HIP1: variants seen among roughly 807,000 people sequenced by gnomAD.
The protein encoded by HIP1 is huntingtin interacting protein 1, also known as huntingtin-interacting protein 1.
In HIP1, 65 loss-of-function variants were observed where a neutral mutation model predicts 147.6. The observed-to-expected ratio is 0.44, with a 90% CI of 0.36 to 0.54. The LOEUF (loss-of-function observed/expected upper bound fraction) is 0.54, where lower values mean the gene tolerates loss of function less well. HIP1 is among the 20% of genes least tolerant of loss of function. The pLI, the probability that HIP1 is intolerant of heterozygous loss-of-function variation, is 0.00. For synonymous variants in HIP1, 479 were observed against 504.0 expected, an observed-to-expected ratio of 0.95 and a Z score of 0.67; for missense variants, 1,061 against 1,299.6, an observed-to-expected ratio of 0.82 and a Z score of 2.82.
intron 1 of HIP1, among the ~76,000 whole-genome samples, chr7:75,637,809 C>G (rs1362385110): frequency 3.3e-5 from 5 of 151,938 alleles, no homozygotes; most frequent in African/African-American, 9.7e-5. Flanking sequence ...CAGCCCCCAT[C>G]CCATTGTCTC....
chr7:75,555,690 AGGC>A, intron 18 of HIP1, 139 bp from the exon 19 acceptor site: 5 of 935,876 alleles, frequency 5.3e-6, no homozygotes, highest in South Asian at 4.9e-5. Flanking sequence ...AGACAGAGAA[AGGC>A]GCTTTAACTG....
chr7:75,649,248 T>C (rs1008773530), intron 1 of HIP1, among the ~76,000 whole-genome samples: 5 of 152,182 alleles, frequency 3.3e-5, no homozygotes, highest in African/African-American at 1.2e-4. Flanking sequence ...AGTCTCAAAC[T>C]CCCGACCTCA....
At chr7:75,571,004 T>C (rs2116878759) in intron 8 of HIP1, among the ~76,000 whole-genome samples, 1 of 152,136 alleles carries the variant, frequency 6.6e-6, no homozygotes, top group East Asian at 1.9e-4. Context: ...AGCGAGACCC[T>C]GTTTCAGAAA....
intron 5 of HIP1, among the ~76,000 whole-genome samples, chr7:75,586,203 GT>G (rs1414071139): frequency 1.9e-4 from 27 of 143,438 alleles, no homozygotes; most frequent in South Asian, 4.5e-4. Flanking sequence ...TCTTTTTTTT[GT>G]TTTTTTTTTT....
chr7:75,599,638 A>G (rs1011788898), intron 1 of HIP1, among the ~76,000 whole-genome samples: 12 of 152,282 alleles, frequency 7.9e-5, no homozygotes, highest in Non-Finnish European at 1.6e-4. Context: ...CCGTGGCCCA[A>G]GAGCATCCAG....
intron 29 of HIP1, among the ~76,000 whole-genome samples, chr7:75,541,312 C>T (rs890728288): frequency 1.3e-5 from 2 of 152,164 alleles, no homozygotes; most frequent in South Asian, 2.1e-4. Flanking sequence ...AGGCAGATCA[C>T]GAGGTCAGGA....
chr7:75,573,511 A>G (rs1554497058), intron 8 of HIP1, among the ~76,000 whole-genome samples: 1 of 152,174 alleles, frequency 6.6e-6, no homozygotes, highest in Non-Finnish European at 1.5e-5. Context: ...TTCCAGCCAG[A>G]AAACGGACAC....
intron 1 of HIP1, among the ~76,000 whole-genome samples, chr7:75,722,433 T>C (rs987793643): frequency 3.9e-5 from 6 of 152,182 alleles, no homozygotes; most frequent in South Asian, 2.1e-4. Context: ...CCTATAGTTA[T>C]AGTGGGCAGG....
intron 1 of HIP1, among the ~76,000 whole-genome samples, chr7:75,607,854 C>T (rs2117043445): frequency 6.6e-6 from 1 of 151,992 alleles, no homozygotes; most frequent in South Asian, 2.1e-4. Flanking sequence ...CTAGACAAGG[C>T]CCTCTACACC....
At chr7:75,564,837 A>G (rs1017691787) in intron 9 of HIP1, among the ~76,000 whole-genome samples, 5 of 152,108 alleles carry the variant, frequency 3.3e-5, no homozygotes, top group African/African-American at 1.2e-4. Context: ...GGCTCAAGCC[A>G]TCTACCCACC....
At chr7:75,714,447 CTTT>C (rs1380057212) in intron 1 of HIP1, among the ~76,000 whole-genome samples, 1 of 122,604 alleles carries the variant, frequency 8.2e-6, no homozygotes, top group Non-Finnish European at 1.7e-5. Context: ...TAACTAACAT[CTTT>C]TTTTCTTTTT....
chr7:75,591,033 GA>G (rs1351192910), intron 4 of HIP1, among the ~76,000 whole-genome samples: 12 of 150,800 alleles, frequency 8.0e-5, no homozygotes, highest in African/African-American at 2.7e-4. Flanking sequence ...CAACCAGGGA[GA>G]TTTTTTTTTT....
At chr7:75,713,701 A>ATTTTT (rs10685090) in intron 1 of HIP1, among the ~76,000 whole-genome samples, 1 of 146,036 alleles carries the variant, frequency 6.8e-6, no homozygotes, top group Non-Finnish European at 1.5e-5. Context: ...GTGACATGCC[A>ATTTTT]TTTTTTTTTT....
rs782225516 is a variant in HIP1 at position 75,592,110 on chromosome 7, G to T, written c.330C>A (p.Val110=). The change falls in exon 4 of 31, where the codon GTC becomes GTA. Residue 110 remains valine, a splice_region_variant and synonymous_variant. Coordinates refer to ENST00000336926, the MANE Select transcript of HIP1 (RefSeq NM_005338.7). ...TTCTGTATCTCAGAGAGTCCTTCAG[G>T]ACCTGCAGGGGCAAAAGAACAGCCT... The part of the protein sequence containing the change: ...HKLLRDGHPN[V]LKDSLRYRNE... 8.7e-6 allele frequency: 14 copies of T among 1,613,262 alleles called. No individual in the cohort carries two copies. In the Admixed American group the frequency reaches 2.0e-4, roughly 23 times the overall value.
At chr7:75,662,172 CA>C (rs1410240382) in intron 1 of HIP1, among the ~76,000 whole-genome samples, 10 of 151,786 alleles carry the variant, frequency 6.6e-5, no homozygotes, top group Admixed American at 1.3e-4. Flanking sequence ...GGAGGGTCTC[CA>C]CTATTTTTGT....
At position 75,534,054 on chromosome 7, in the gene HIP1, T is replaced by C. The variant is rs1793993509; in HGVS notation, c.*4118A>G. 2 of 231,826 alleles carry C rather than the reference T, an allele frequency of 8.6e-6. No individual in the cohort carries two copies. The highest frequency in any genetic ancestry group is 4.4e-5 in the African/African-American group (2 of 45,254). 14.4% of individuals were successfully genotyped at this position (231,826 alleles called of 1,614,324 possible). On this transcript the variant is annotated 3_prime_UTR_variant, in exon 31 of 31. Transcript: ENST00000336926. Reference sequence around the variant, plus strand: ...CCGGTTATTAAAGACCAGGGTCAAATGGAGCCAGGAGACCCCTCTAGACTA... The same window carrying C: ...CCGGTTATTAAAGACCAGGGTCAAACGGAGCCAGGAGACCCCTCTAGACTA...
chr7:75,533,555 CTGTTA>C lies in HIP1; in HGVS notation c.*4612_*4616del, dbSNP rs1443448973. The C allele has an allele frequency of 3.0e-5, 7 of 232,050 alleles. No individual in the cohort carries two copies. The highest frequency in any genetic ancestry group is 4.4e-5 in the African/African-American group (2 of 45,380). The allele number at this position is 232,050 out of a possible 1,614,324, so 14.4% of individuals were successfully genotyped here. A position where few individuals can be genotyped will look rare whatever the true frequency, so the allele number is the denominator to read the frequency against. On this transcript the variant is annotated 3_prime_UTR_variant, in exon 31 of 31. Transcript: ENST00000336926. ...CCTGCAAACTGAAATGTGAAAGAGT[CTGTTA>C]TAAGTTTGAGACAACTGCATTATCA...
chr7:75,586,920 C>A (rs913160055), intron 4 of HIP1, 87 bp from the exon 5 acceptor site: 1 of 822,496 alleles, frequency 1.2e-6, no homozygotes, highest in Non-Finnish European at 2.1e-6. Flanking sequence ...GGTAAAGAAT[C>A]TATCTTCTTT....
chr7:75,711,120 A>C (rs782633967), intron 1 of HIP1, among the ~76,000 whole-genome samples: 1 of 152,196 alleles, frequency 6.6e-6, no homozygotes, highest in Non-Finnish European at 1.5e-5. Context: ...TGTTGTGGAT[A>C]TAATGTGTAA....
Sources: gnomAD v4.1 joint callset for allele counts (sites outside exome capture counted in the v4.1 genomes callset) on GRCh38, gnomAD v4.1.1 for gene constraint, MANE v1.5 for transcripts, NCBI Gene and HGNC (gene_info 2026-07-23, HGNC 2026-07-21) for gene names.